The following KAZN variants were observed in gnomAD, a reference collection of about 807,000 sequenced individuals.
The protein encoded by KAZN is kazrin, periplakin interacting protein.
A neutral mutation model predicts 87.4 loss-of-function variants in KAZN; 40 were observed. That is an observed-to-expected ratio of 0.46 (90% CI 0.36 to 0.60). The LOEUF is 0.60. KAZN is among the 20% of genes least tolerant of loss of function. The pLI, the probability that KAZN is intolerant of heterozygous loss-of-function variation, is 0.00. For synonymous variants in KAZN, 466 were observed against 458.3 expected (o/e 1.02, Z -0.22); for missense variants, 898 against 1,073.9 (o/e 0.84, Z 2.29).
intron 1 of KAZN, among the ~76,000 whole-genome samples, chr1:13,936,796 A>G (rs1409718810): frequency 6.6e-6 from 1 of 152,192 alleles, no homozygotes; most frequent in East Asian, 1.9e-4. Context: ...GCTATTGTGA[A>G]TAGGGCTGTG....
chr1:14,918,675 CAAAAAAAAAAAAAAAAAA>C (rs1158537283), intron 1 of KAZN, among the ~76,000 whole-genome samples: 18 of 37,038 alleles, frequency 4.9e-4, no homozygotes, highest in East Asian at 9.7e-4. Context: ...GACTCCATCT[CAAAAAAAAAAAAAAAAAA>C]AAAAAAAAAA....
chr1:14,598,759 C>T lies in KAZN; in HGVS notation c.-239C>T. The T allele has an allele frequency of 7.4e-7, 1 of 1,342,900 alleles. No homozygotes were observed. 83.2% of individuals were successfully genotyped at this position (1,342,900 alleles called of 1,614,324 possible). On this transcript the variant is annotated 5_prime_UTR_variant, in exon 1 of 15. Transcript: ENST00000376030. This position sits in a 1 kb window ranked among gnomAD's most constrained non-coding sequence, Gnocchi z 4.2. The stretch of plus-strand genomic sequence containing the variant: ...TGCTCCTCCTCCTCCTTCTCCTCCT[C>T]TTTTTTCTCCTCCGCCTCCTCCCCC...
intron 2 of KAZN, among the ~76,000 whole-genome samples, chr1:14,447,277 C>T (rs1017113482): frequency 2.7e-5 from 4 of 148,304 alleles, no homozygotes; most frequent in African/African-American, 7.5e-5. Context: ...TTTGCTCTGT[C>T]GCCCAGGCTG....
At chr1:14,669,897 T>A (rs202040646) in intron 1 of KAZN, among the ~76,000 whole-genome samples, 29,756 of 152,034 alleles carry the variant, frequency 0.2, 3,019 homozygotes, top group South Asian at 0.29. Context: ...ACTGACCAAC[T>A]TTTCCTGGGT....
In KAZN at chr1:15,114,569, C is replaced by A. The variant is rs1441627561; in HGVS notation, c.2262C>A (p.Asp754Glu). 1 of 1,606,676 alleles carries A rather than the reference C, an allele frequency of 6.2e-7. No homozygotes were observed. Among genetic ancestry groups the A allele is most frequent in the South Asian group, 1.1e-5 (1 of 89,410 alleles). Residue 754 changes from aspartate (D) to glutamate (E), a missense_variant, in exon 15 of 15, where the codon GAC becomes GAA. Coordinates refer to ENST00000376030, the MANE Select transcript of KAZN (RefSeq NM_201628.3). ...AAAACGAAGATTGCGGAGACGATGA[C>A]CCCCAGAGCAGGCTGGAACAGTGCC... ...SLQNEDCGDD[D>E]PQSRLEQCRL...
At chr1:14,228,016 C>A (rs2100528128) in intron 2 of KAZN, among the ~76,000 whole-genome samples, 1 of 152,234 alleles carries the variant, frequency 6.6e-6, no homozygotes, top group South Asian at 2.1e-4. Flanking sequence ...TGCTGCCCAT[C>A]CTGGTTATTT....
intron 2 of KAZN, among the ~76,000 whole-genome samples, chr1:14,419,773 T>C (rs1665228570): frequency 6.6e-6 from 1 of 151,868 alleles, no homozygotes; most frequent in Non-Finnish European, 1.5e-5. Flanking sequence ...GTGTTGTTTG[T>C]CCCTCCCATC....
chr1:14,447,696 C>A (rs1053031991), intron 2 of KAZN, among the ~76,000 whole-genome samples: 1 of 152,102 alleles, frequency 6.6e-6, no homozygotes, highest in Non-Finnish European at 1.5e-5. Context: ...CTCAGGAATT[C>A]ATCTCGTCTC....
intron 1 of KAZN, among the ~76,000 whole-genome samples, chr1:14,698,459 G>C (rs1178294201): frequency 6.6e-6 from 1 of 152,220 alleles, no homozygotes; most frequent in African/African-American, 2.4e-5. Context: ...GGGTCAGGTG[G>C]CTTGCTGCTT....
intron 2 of KAZN, among the ~76,000 whole-genome samples, chr1:14,497,742 C>A (rs1670025069): frequency 6.6e-6 from 1 of 152,068 alleles, no homozygotes; most frequent in South Asian, 2.1e-4. Flanking sequence ...GGCTTGGCTT[C>A]CAATACAGCC....
Position 14,317,133 on chromosome 1 carries a change from C to A in KAZN, c.249+136541C>A, listed in dbSNP as rs181241552. Among the ~76,000 whole-genome samples, 9 of 151,972 alleles carry A rather than the reference C, an allele frequency of 5.9e-5. No individual in the cohort carries two copies. In the East Asian group the frequency reaches 1.5e-3, roughly 26 times the overall value. On this transcript the variant is annotated intron_variant, in intron 2 of 16. Coordinates refer to the KAZN transcript ENST00000636203. ...ATTGATTATTGAGAGAAGAGTGCTG[C>A]AGTTTCTCACTACTTGCGGATATGT...
chr1:14,350,600 G>C (rs182622128), intron 2 of KAZN, among the ~76,000 whole-genome samples: 84 of 152,312 alleles, frequency 5.5e-4, no homozygotes, highest in Non-Finnish European at 8.8e-4. Flanking sequence ...CAGGAATGCT[G>C]CTGAATATCC....
chr1:15,025,668 C>A (rs997340898), intron 2 of KAZN, among the ~76,000 whole-genome samples: 1 of 152,224 alleles, frequency 6.6e-6, no homozygotes, highest in Non-Finnish European at 1.5e-5. Context: ...TGCTGACTAA[C>A]TTTCCAGGGT....
chr1:14,604,197 G>T (rs140405916), intron 1 of KAZN, among the ~76,000 whole-genome samples: 2 of 152,314 alleles, frequency 1.3e-5, no homozygotes, highest in Admixed American at 1.3e-4. Context: ...AAATATGGCA[G>T]GAGTGTCACC....
At chr1:14,253,319 G>T (rs562166230) in intron 2 of KAZN, among the ~76,000 whole-genome samples, 1 of 152,284 alleles carries the variant, frequency 6.6e-6, no homozygotes, top group East Asian at 1.9e-4. Flanking sequence ...TACCCTTGCA[G>T]ATTCCCTTCT....
intron 1 of KAZN, among the ~76,000 whole-genome samples, chr1:14,176,604 C>G (rs1646081006): frequency 1.3e-5 from 2 of 152,148 alleles, no homozygotes; most frequent in Admixed American, 1.3e-4. Context: ...TAGCCAAGCT[C>G]CCCTCTAGCC....
chr1:14,905,990 G>A (rs1035589961), intron 1 of KAZN, among the ~76,000 whole-genome samples: 8 of 148,970 alleles, frequency 5.4e-5, no homozygotes, highest in Admixed American at 1.3e-4. Flanking sequence ...AACACGGTGA[G>A]ACCCCGTCTC....
At chr1:14,570,108 G>A (rs962576005) in intron 2 of KAZN, among the ~76,000 whole-genome samples, 13 of 151,856 alleles carry the variant, frequency 8.6e-5, no homozygotes, top group Admixed American at 5.2e-4. Context: ...GCGAGACTCC[G>A]TCTCAAAAAA....
chr1:14,759,377 A>G (rs1355484295), intron 1 of KAZN, among the ~76,000 whole-genome samples: 1 of 152,206 alleles, frequency 6.6e-6, no homozygotes, highest in Non-Finnish European at 1.5e-5. Flanking sequence ...TGTTGGAAGA[A>G]GAAATTCTTT....
Sources: allele counts gnomAD v4.1 joint callset (sites outside exome capture counted in the v4.1 genomes callset), GRCh38; gene constraint gnomAD v4.1.1; non-coding constraint Gnocchi (gnomAD v3.1); transcripts MANE v1.5; gene names NCBI Gene and HGNC (gene_info 2026-07-23, HGNC 2026-07-21).